Variants in ADAMTS17 observed in about 807,000 individuals in gnomAD.
ADAMTS17 encodes the protein A disintegrin and metalloproteinase with thrombospondin motifs 17.
In ADAMTS17, 113 loss-of-function variants were observed where a neutral mutation model predicts 141.5. The observed-to-expected ratio is 0.80, with a 90% CI of 0.69 to 0.93. ADAMTS17 has a LOEUF of 0.93. Among genes scored for constraint, ADAMTS17 ranks in the 40% least tolerant of loss-of-function variants. ADAMTS17 has a pLI of 0.00. For missense variants in ADAMTS17, 1,659 were observed against 1,517.9 expected (o/e 1.09, Z -1.54); for synonymous variants, 768 against 630.6 (o/e 1.22, Z -3.27).
chr15:100,313,235 G>A (rs933348750), intron 3 of ADAMTS17, among the ~76,000 whole-genome samples: 2 of 151,932 alleles, frequency 1.3e-5, no homozygotes, highest in Non-Finnish European at 2.9e-5. Flanking sequence ...AATATTATAG[G>A]GCAATATCAC....
intron 17 of ADAMTS17, 140 bp downstream of exon 17, chr15:100,051,432 G>A: frequency 8.0e-7 from 1 of 1,254,948 alleles, no homozygotes; most frequent in Non-Finnish European, 1.2e-6. Context: ...TCTGCAGAGA[G>A]ATTTTCGGTG....
intron 3 of ADAMTS17, among the ~76,000 whole-genome samples, chr15:100,292,214 C>T (rs572503349): frequency 1.4e-5 from 2 of 140,456 alleles, no homozygotes; most frequent in South Asian, 2.3e-4. Flanking sequence ...GACACGCTCA[C>T]CCCGTGGGGA....
intron 15 of ADAMTS17, among the ~76,000 whole-genome samples, chr15:100,061,131 G>C (rs539656336): frequency 6.6e-6 from 1 of 152,170 alleles, no homozygotes; most frequent in African/African-American, 2.4e-5. Context: ...GGTTTGTTCC[G>C]AAGTGCATAC....
chr15:100,021,019 T>C (rs557075397), intron 18 of ADAMTS17, among the ~76,000 whole-genome samples: 1 of 152,296 alleles, frequency 6.6e-6, no homozygotes, highest in East Asian at 1.9e-4. Flanking sequence ...CTAGCTTGGC[T>C]CTTTCCTTGG....
intron 7 of ADAMTS17, among the ~76,000 whole-genome samples, chr15:100,205,262 A>G (rs1437687837): frequency 1.3e-5 from 2 of 152,110 alleles, no homozygotes; most frequent in East Asian, 1.9e-4. Context: ...TAACATTTTC[A>G]TGTGTTCTGT....
chr15:100,029,625 C>T (rs965384396), intron 18 of ADAMTS17, among the ~76,000 whole-genome samples: 1 of 152,202 alleles, frequency 6.6e-6, no homozygotes, highest in South Asian at 2.1e-4. Flanking sequence ...GCTCTCTCCC[C>T]TCAGTGGCCT....
chr15:100,033,053 G>A (rs1402646078), intron 18 of ADAMTS17, among the ~76,000 whole-genome samples: 3 of 152,010 alleles, frequency 2.0e-5, no homozygotes, highest in African/African-American at 7.2e-5. Context: ...TGTTTTGAGA[G>A]AAAAAAAATG....
intron 3 of ADAMTS17, among the ~76,000 whole-genome samples, chr15:100,292,273 C>T (rs142931259): frequency 1.3e-5 from 2 of 149,244 alleles, no homozygotes; most frequent in African/African-American, 4.9e-5. Flanking sequence ...ACGCTCAGCC[C>T]GTGAGAATCT....
intron 3 of ADAMTS17, among the ~76,000 whole-genome samples, chr15:100,321,821 A>G (rs987418092): frequency 3.3e-5 from 5 of 152,268 alleles, no homozygotes; most frequent in African/African-American, 1.2e-4. Flanking sequence ...AATGATTCTG[A>G]CATCACACTA....
chr15:100,195,976 C>A (rs2041100663), intron 8 of ADAMTS17, among the ~76,000 whole-genome samples: 1 of 152,150 alleles, frequency 6.6e-6, no homozygotes, highest in Non-Finnish European at 1.5e-5. Context: ...CTATATAATG[C>A]CTACCTCATA....
At chr15:100,288,067 A>C (rs537297378) in intron 3 of ADAMTS17, among the ~76,000 whole-genome samples, 58 of 152,374 alleles carry the variant, frequency 3.8e-4, no homozygotes, top group African/African-American at 1.3e-3. Context: ...CAAAGTGACA[A>C]GTTGGATAAA....
At chr15:100,110,211 A>G (rs189286703) in intron 13 of ADAMTS17, among the ~76,000 whole-genome samples, 2,215 of 140,754 alleles carry the variant, frequency 0.016, 67 homozygotes, top group African/African-American at 0.053. Flanking sequence ...ATATCAGTAT[A>G]TATATATTTT....
intron 8 of ADAMTS17, among the ~76,000 whole-genome samples, chr15:100,169,456 CT>C (rs1370917207): frequency 6.6e-6 from 1 of 152,218 alleles, no homozygotes. Flanking sequence ...GTGAAAATCA[CT>C]ACTCATTACA....
At chr15:100,206,131 T>C in intron 7 of ADAMTS17, among the ~76,000 whole-genome samples, 1 of 152,160 alleles carries the variant, frequency 6.6e-6, no homozygotes, top group Non-Finnish European at 1.5e-5. Flanking sequence ...GCACCGTGAA[T>C]GCAGCAGGTG....
intron 8 of ADAMTS17, among the ~76,000 whole-genome samples, chr15:100,172,492 A>C (rs1282287013): frequency 6.6e-6 from 1 of 151,906 alleles, no homozygotes; most frequent in African/African-American, 2.4e-5. Flanking sequence ...CCCCATCCTG[A>C]CTCATCCTGG....
intron 8 of ADAMTS17, among the ~76,000 whole-genome samples, chr15:100,171,773 A>C (rs563106733): frequency 6.6e-6 from 1 of 152,270 alleles, no homozygotes; most frequent in African/African-American, 2.4e-5. Flanking sequence ...CACCACATGG[A>C]AGGGGCTGGT....
intron 7 of ADAMTS17, among the ~76,000 whole-genome samples, chr15:100,237,118 G>T (rs1423926161): frequency 6.6e-6 from 1 of 152,090 alleles, no homozygotes; most frequent in Non-Finnish European, 1.5e-5. Context: ...AGCCTAACTG[G>T]GGTGTCGGGC....
chr15:100,161,479 T>G (rs1051102930), intron 8 of ADAMTS17, among the ~76,000 whole-genome samples: 14 of 152,234 alleles, frequency 9.2e-5, no homozygotes, highest in African/African-American at 3.1e-4. Context: ...CATGGAAGGC[T>G]GACTCCAGCC....
At chr15:100,164,369 A>T (rs2039861875) in intron 8 of ADAMTS17, among the ~76,000 whole-genome samples, 1 of 143,610 alleles carries the variant, frequency 7.0e-6, no homozygotes, top group Non-Finnish European at 1.5e-5. Flanking sequence ...TCTATGACTA[A>T]ACAGGGATAA....
Sources: gnomAD v4.1 joint callset for allele counts (sites outside exome capture counted in the v4.1 genomes callset) on GRCh38, gnomAD v4.1.1 for gene constraint, MANE v1.5 for transcripts, NCBI Gene and HGNC (gene_info 2026-07-23, HGNC 2026-07-21) for gene names.